The following KDM4C variants were observed in gnomAD, a reference collection of about 807,000 sequenced individuals.
KDM4C encodes the protein lysine demethylase 4C, also known as lysine-specific demethylase 4C.
In KDM4C, 81 loss-of-function variants were observed where a neutral mutation model predicts 129.3. That is an observed-to-expected ratio of 0.63 (90% CI 0.52 to 0.75). The LOEUF is 0.75. Among genes scored for constraint, KDM4C ranks in the 30% least tolerant of loss-of-function variants. The pLI is 0.00. For missense variants in KDM4C, 1,457 were observed against 1,304.0 expected (o/e 1.12, Z -1.81); for synonymous variants, 573 against 456.1 (o/e 1.26, Z -3.26).
chr9:6,994,830 T>G (rs1459001415), intron 12 of KDM4C, among the ~76,000 whole-genome samples: 2 of 152,246 alleles, frequency 1.3e-5, no homozygotes, highest in African/African-American at 4.8e-5. Context: ...GTCAGCTCTT[T>G]CAGTTTTGTA....
At chr9:6,893,353 C>G in intron 8 of KDM4C, 121 bp downstream of exon 8, 1 of 669,986 alleles carries the variant, frequency 1.5e-6, no homozygotes, top group Non-Finnish European at 2.4e-6. Context: ...GTGCCTCTCA[C>G]CACAGCAATT....
chr9:6,995,724 T>C (rs1199425695), intron 12 of KDM4C, among the ~76,000 whole-genome samples: 4 of 151,938 alleles, frequency 2.6e-5, no homozygotes, highest in Non-Finnish European at 4.4e-5. Context: ...CAGGCTGGAG[T>C]GCAGTGGCGC....
chr9:7,115,000 G>A (rs1295783269), intron 18 of KDM4C, among the ~76,000 whole-genome samples: 11 of 152,208 alleles, frequency 7.2e-5, no homozygotes, highest in Admixed American at 5.2e-4. Context: ...GATCACTTGA[G>A]CCCAGGAGGT....
intron 1 of KDM4C, among the ~76,000 whole-genome samples, chr9:6,726,100 T>C (rs1176208658): frequency 6.6e-6 from 1 of 151,968 alleles, no homozygotes; most frequent in Non-Finnish European, 1.5e-5. Context: ...CTAATTTTTT[T>C]ATATATTTAA....
At chr9:7,157,978 C>G (rs1358405713) in intron 19 of KDM4C, among the ~76,000 whole-genome samples, 1 of 152,198 alleles carries the variant, frequency 6.6e-6, no homozygotes, top group Admixed American at 6.5e-5. Context: ...GTGAATCCGT[C>G]TGGTCCTGGA....
chr9:6,850,890 G>A (rs1288454993), intron 5 of KDM4C, among the ~76,000 whole-genome samples: 1 of 152,020 alleles, frequency 6.6e-6, no homozygotes, highest in Admixed American at 6.6e-5. Context: ...GAGTAGCTGG[G>A]ATGACAGGCG....
intron 4 of KDM4C, among the ~76,000 whole-genome samples, chr9:6,821,547 T>C (rs781754549): frequency 2.0e-5 from 3 of 152,222 alleles, no homozygotes; most frequent in Non-Finnish European, 4.4e-5. Flanking sequence ...TCATATCCTT[T>C]GCCCACTTTT....
At chr9:7,090,001 C>T (rs1835609119) in intron 17 of KDM4C, among the ~76,000 whole-genome samples, 1 of 152,246 alleles carries the variant, frequency 6.6e-6, no homozygotes. Flanking sequence ...TGGGGAATCA[C>T]TGCAGAATCC....
chr9:6,787,028 C>T (rs114516711), intron 1 of KDM4C, among the ~76,000 whole-genome samples: 1 of 152,092 alleles, frequency 6.6e-6, no homozygotes, highest in East Asian at 1.9e-4. Flanking sequence ...AAAACCTAAG[C>T]TATCTAGGTC....
chr9:6,751,010 A>G (rs2018869605), intron 1 of KDM4C, among the ~76,000 whole-genome samples: 1 of 152,154 alleles, frequency 6.6e-6, no homozygotes, highest in African/African-American at 2.4e-5. Flanking sequence ...ATTCTCTGGT[A>G]AGCTAGAAGA....
chr9:7,019,509 T>G (rs950781049), intron 15 of KDM4C, among the ~76,000 whole-genome samples: 8 of 151,702 alleles, frequency 5.3e-5, no homozygotes, highest in African/African-American at 1.9e-4. Flanking sequence ...CGTAAAATAT[T>G]CCTATAGCAT....
intron 17 of KDM4C, among the ~76,000 whole-genome samples, chr9:7,074,649 G>A (rs894258026): frequency 6.6e-6 from 1 of 152,092 alleles, no homozygotes; most frequent in Non-Finnish European, 1.5e-5. Context: ...CAATATTCCA[G>A]GCATCTTATT....
chr9:6,814,902 C>T (rs1189342959), intron 4 of KDM4C, 157 bp downstream of exon 4: 4 of 434,148 alleles, frequency 9.2e-6, no homozygotes, highest in African/African-American at 6.1e-5. Context: ...ATTTCTGCTG[C>T]TGGTATTTTT....
intron 8 of KDM4C, among the ~76,000 whole-genome samples, chr9:6,903,080 G>T (rs528705578): frequency 3.0e-4 from 45 of 152,026 alleles, no homozygotes; most frequent in African/African-American, 1.1e-3. Context: ...ATATACTTCA[G>T]GTTTTTTGAT....
intron 8 of KDM4C, among the ~76,000 whole-genome samples, chr9:6,919,575 C>G (rs1821085206): frequency 6.6e-6 from 1 of 150,750 alleles, no homozygotes; most frequent in Non-Finnish European, 1.5e-5. Flanking sequence ...ATCTATCTAT[C>G]TATCTATCTA....
At chr9:7,032,272 C>T (rs1044117121) in intron 15 of KDM4C, among the ~76,000 whole-genome samples, 5 of 152,192 alleles carry the variant, frequency 3.3e-5, no homozygotes, top group African/African-American at 1.2e-4. Context: ...ACTTTCTGTC[C>T]TGTCTACAGC....
intron 1 of KDM4C, among the ~76,000 whole-genome samples, chr9:6,740,109 C>T (rs534045259): frequency 5.9e-4 from 90 of 151,980 alleles, no homozygotes; most frequent in African/African-American, 2.0e-3. Context: ...AGGATGGCCT[C>T]GATCTCTTGA....
intron 5 of KDM4C, among the ~76,000 whole-genome samples, chr9:6,876,988 T>C (rs1008097396): frequency 4.6e-5 from 7 of 152,162 alleles, no homozygotes; most frequent in African/African-American, 7.2e-5. Context: ...TAATTAGAAA[T>C]CACCCCATTC....
chr9:7,157,494 C>G (rs777560017), intron 19 of KDM4C, among the ~76,000 whole-genome samples: 1 of 152,178 alleles, frequency 6.6e-6, no homozygotes, highest in Non-Finnish European at 1.5e-5. Context: ...GTGGGTTTGT[C>G]ATAGATAGCT....
Sources: allele counts gnomAD v4.1 joint callset (sites outside exome capture counted in the v4.1 genomes callset), GRCh38; gene constraint gnomAD v4.1.1; transcripts MANE v1.5; gene names NCBI Gene and HGNC (gene_info 2026-07-23, HGNC 2026-07-21).